RYK: variants seen among roughly 807,000 people sequenced by gnomAD.
RYK encodes inactive tyrosine-protein kinase RYK.
RYK carries 21 observed loss-of-function variants against 70.2 expected under a neutral mutation model. That is an observed-to-expected ratio of 0.30 (90% CI 0.21 to 0.43). The LOEUF (loss-of-function observed/expected upper bound fraction) is 0.43. Among genes scored for constraint, RYK ranks in the 20% least tolerant of loss-of-function variants. The probability of loss-of-function intolerance (pLI) is 1.00; values close to 1 mark genes in which losing one functional copy is unlikely to be tolerated. For missense variants in RYK, 604 were observed against 753.3 expected, an observed-to-expected ratio of 0.80 and a Z score of 2.32; for synonymous variants, 267 against 278.0, an observed-to-expected ratio of 0.96 and a Z score of 0.39.
At chr3:134,175,294 G>A (rs947902394) in intron 13 of RYK, among the ~76,000 whole-genome samples, 2 of 151,660 alleles carry the variant, frequency 1.3e-5, no homozygotes, top group African/African-American at 4.9e-5. Context: ...AGTGAGCCAG[G>A]ATTGCGCCAT....
intron 1 of RYK, among the ~76,000 whole-genome samples, chr3:134,240,775 T>TGC (rs996200497): frequency 6.6e-6 from 1 of 152,202 alleles, no homozygotes; most frequent in Non-Finnish European, 1.5e-5. Flanking sequence ...TGGACATTCA[T>TGC]GCCTTTTTCT....
chr3:134,211,737 A>G, intron 2 of RYK, 130 bp from the exon 3 acceptor site: 1 of 622,090 alleles, frequency 1.6e-6, no homozygotes, highest in South Asian at 2.1e-5. Flanking sequence ...TAGCTATAAA[A>G]AAATGCAAAT....
intron 9 of RYK, 100 bp from the exon 10 acceptor site, chr3:134,183,171 C>T (rs1353863033): frequency 1.8e-6 from 1 of 555,582 alleles, no homozygotes; most frequent in East Asian, 3.4e-5. Flanking sequence ...CTATAAGGTA[C>T]ATAGGTTTTC....
Position 134,249,359 on chromosome 3 carries a change from A to G in RYK, c.232+1064T>C, listed in dbSNP as rs150300582. Among the ~76,000 whole-genome samples the G allele has an allele frequency of 4.6e-3, 696 of 152,294 alleles. 2 individuals carry two copies. Among genetic ancestry groups the G allele is most frequent in the African/African-American group, 0.016 (666 of 41,554 alleles). On this transcript the variant is annotated intron_variant, in intron 1 of 14. Coordinates refer to ENST00000623711, the MANE Select transcript of RYK (RefSeq NM_002958.4). ...TGAGTCAATCTCAACACACCTCAAC[A>G]AAGTCTTATTACTTAAAAAAAAATA... is the stretch of plus-strand genomic sequence containing the variant.
chr3:134,169,033 T>C (rs887611221), intron 13 of RYK, among the ~76,000 whole-genome samples: 7 of 152,180 alleles, frequency 4.6e-5, no homozygotes, highest in Admixed American at 1.3e-4. Flanking sequence ...TAGGTGATCA[T>C]TGATAGTCAC....
chr3:134,180,283 A>C (rs1311821162), intron 10 of RYK: 3 of 152,198 alleles, frequency 2.0e-5, no homozygotes, highest in Non-Finnish European at 4.4e-5. Flanking sequence ...ATAGGTTAAT[A>C]TCTTTTATGT....
At position 134,175,783 on chromosome 3, in the gene RYK, T is replaced by C; in HGVS notation, c.1416-15A>G. On this transcript the variant is annotated splice_polypyrimidine_tract_variant and intron_variant, in intron 12 of 14. Transcript: ENST00000623711. ...TGTCATCAATGCTGAAAAGTAAAGA[T>C]ATGAACATCAAATGCAATCAGAGTA... is the stretch of plus-strand genomic sequence containing the variant. The C allele has an allele frequency of 6.2e-7, 1 of 1,613,370 alleles. No individual in the cohort carries two copies. Among genetic ancestry groups the C allele is most frequent in the African/African-American group, 1.3e-5 (1 of 75,036 alleles).
intron 1 of RYK, among the ~76,000 whole-genome samples, chr3:134,243,950 A>G (rs2015388247): frequency 6.6e-6 from 1 of 152,216 alleles, no homozygotes; most frequent in Non-Finnish European, 1.5e-5. Context: ...TTTCTACCAC[A>G]ATATATGGTA....
chr3:134,246,534 T>C (rs576675542), intron 1 of RYK, among the ~76,000 whole-genome samples: 34 of 151,692 alleles, frequency 2.2e-4, no homozygotes, highest in Admixed American at 1.1e-3. Flanking sequence ...AAAAAGAACC[T>C]GAGCTTCAAA....
rs757955889 is a variant in RYK, at chr3:134,175,621, G to T, written c.1563C>A (p.Ser521Arg). 2 of 1,613,644 alleles carry T rather than the reference G, an allele frequency of 1.2e-6. No individual in the cohort carries two copies. The highest frequency in any genetic ancestry group is 1.7e-6 in the Non-Finnish European group (2 of 1,179,802). The change falls in exon 13 of 15, where the codon AGC becomes AGA. Residue 521 changes from serine to arginine, a missense_variant. Ser to Arg is a moderately radical substitution (Grantham distance 110, BLOSUM62 -1). Around this residue, in one of 2 missense-constraint regions of RYK, gnomAD observed 138 missense variants for 217.4 expected, o/e 0.63. Coordinates refer to ENST00000623711, the MANE Select transcript of RYK (RefSeq NM_002958.4). ...TCCCGGCACTTACCACATCACTAGC[G>T]CTAGAGAACTCGTTATTAACCAGAC... ...LESLVNNEFSSASDVWAFGVT... is the reference protein window; with the variant it reads ...LESLVNNEFSRASDVWAFGVT...
intron 1 of RYK, among the ~76,000 whole-genome samples, chr3:134,248,503 A>G (rs770374788): frequency 6.6e-6 from 1 of 152,218 alleles, no homozygotes; most frequent in Non-Finnish European, 1.5e-5. Context: ...AGCCTATGTC[A>G]ACACTGTTTC....
chr3:134,223,213 C>CA (rs1376117786), intron 1 of RYK, among the ~76,000 whole-genome samples: 1 of 152,068 alleles, frequency 6.6e-6, no homozygotes, highest in Non-Finnish European at 1.5e-5. Flanking sequence ...ATAGACAAAA[C>CA]AAAAATAAAT....
chr3:134,238,284 T>C (rs775867962), intron 1 of RYK, among the ~76,000 whole-genome samples: 1 of 152,184 alleles, frequency 6.6e-6, no homozygotes, highest in Non-Finnish European at 1.5e-5. Flanking sequence ...TTTCGTGTAA[T>C]TCTCTGCCAC....
At chr3:134,160,973 T>C (rs1377802602) in intron 13 of RYK, among the ~76,000 whole-genome samples, 1 of 152,212 alleles carries the variant, frequency 6.6e-6, no homozygotes, top group Non-Finnish European at 1.5e-5. Flanking sequence ...GAGACTATGT[T>C]TCCAGCAGAC....
At chr3:134,234,219 C>T (rs2015141783) in intron 1 of RYK, among the ~76,000 whole-genome samples, 1 of 151,984 alleles carries the variant, frequency 6.6e-6, no homozygotes, top group Admixed American at 6.5e-5. Context: ...TAAAATAACC[C>T]ATGAAGGTTG....
At chr3:134,195,785 A>C (rs935183857) in intron 6 of RYK, among the ~76,000 whole-genome samples, 1 of 152,136 alleles carries the variant, frequency 6.6e-6, no homozygotes, top group Non-Finnish European at 1.5e-5. Context: ...TGTCTCTACT[A>C]AAAGTACAAA....
intron 10 of RYK, chr3:134,178,948 G>A (rs1214802790): frequency 6.6e-6 from 1 of 152,090 alleles, no homozygotes; most frequent in Non-Finnish European, 1.5e-5. Flanking sequence ...CGTAATCTAT[G>A]CTATATAAAA....
rs542992121 is a variant in RYK at position 134,208,154 on chromosome 3, C to T, written c.590-629G>A. On this transcript the variant is annotated intron_variant, in intron 4 of 14. Coordinates refer to ENST00000623711, the MANE Select transcript of RYK (RefSeq NM_002958.4). ...CAACACAGAATTTTAATGTTAATTT[C>T]ACACACATATTAAAGAAAATGGAGA... Among the ~76,000 whole-genome samples the T allele has an allele frequency of 1.2e-4, 19 of 152,286 alleles. No individual in the cohort carries two copies. The South Asian group carries it at 3.7e-3, about 30-fold the overall frequency.
chr3:134,163,943 C>T (rs2012569201), intron 13 of RYK, among the ~76,000 whole-genome samples: 1 of 152,196 alleles, frequency 6.6e-6, no homozygotes, highest in Non-Finnish European at 1.5e-5. Context: ...AGTCCAGTTC[C>T]TCTGTCCTAT....
Sources: allele counts gnomAD v4.1 joint callset (sites outside exome capture counted in the v4.1 genomes callset), GRCh38; gene constraint gnomAD v4.1.1; regional missense constraint gnomAD v4.1.1; transcripts MANE v1.5; gene names NCBI Gene and HGNC (gene_info 2026-07-23, HGNC 2026-07-21).